CLNK: variants seen among roughly 807,000 people sequenced by gnomAD.
CLNK encodes the protein cytokine-dependent hematopoietic cell linker.
CLNK carries 74 observed loss-of-function variants against 68.6 expected under a neutral mutation model. That is an observed-to-expected ratio of 1.08 (90% CI 0.89 to 1.31). The LOEUF (loss-of-function observed/expected upper bound fraction) is 1.31, where lower values mean the gene tolerates loss of function less well. Ranked by LOEUF, CLNK falls within the 50% of genes most tolerant of loss-of-function variation. The pLI is 0.00. For synonymous variants in CLNK, 198 were observed against 172.2 expected, an observed-to-expected ratio of 1.15 and a Z score of -1.17; for missense variants, 553 against 515.3, an observed-to-expected ratio of 1.07 and a Z score of -0.71.
chr4:10,703,277 A>C, the CLNK span, among the ~76,000 whole-genome samples: 1 of 152,172 alleles, frequency 6.6e-6, no homozygotes, highest in Non-Finnish European at 1.5e-5. Context: ...GTTCATTCAG[A>C]TGCCAGGAAT....
At chr4:10,579,941 C>G (rs1440173933) in intron 4 of CLNK, among the ~76,000 whole-genome samples, 1 of 152,244 alleles carries the variant, frequency 6.6e-6, no homozygotes, top group Non-Finnish European at 1.5e-5. Context: ...GCACCACCTC[C>G]TCCAGCCTCC....
At chr4:10,727,337 C>T in the CLNK span, among the ~76,000 whole-genome samples, 2 of 152,126 alleles carry the variant, frequency 1.3e-5, no homozygotes, top group African/African-American at 2.4e-5. Context: ...TGGAAAATTC[C>T]GTGGTGGAAC....
intron 2 of CLNK, among the ~76,000 whole-genome samples, chr4:10,614,004 C>A (rs1350855374): frequency 1.3e-5 from 2 of 152,228 alleles, no homozygotes; most frequent in African/African-American, 4.8e-5. Flanking sequence ...CAGTGGCAAC[C>A]ACCATACCAA....
At position 10,616,807 on chromosome 4, in the gene CLNK, TATATATATATATATATAC is replaced by T. The variant is rs1377287839; in HGVS notation, c.12-18776_12-18759del. Among the ~76,000 whole-genome samples, 152 of 79,228 alleles carry T rather than the reference TATATATATATATATATAC, an allele frequency of 1.9e-3. 1 individual carries two copies. Among genetic ancestry groups the T allele is most frequent in the Non-Finnish European group, 3.1e-3 (124 of 39,676 alleles). The allele number at this position is 79,228 out of a possible 152,430, so 52.0% of individuals were successfully genotyped here. A position where few individuals can be genotyped will look rare whatever the true frequency, so the allele number is the denominator to read the frequency against. ...GTGTGTGTGTATATATATATATATA[TATATATATATATATATAC>T]ACGCATTTTTTTTTCTAGAGAATTG... On this transcript the variant is annotated intron_variant, in intron 2 of 18. Coordinates refer to ENST00000226951, the MANE Select transcript of CLNK (RefSeq NM_052964.4).
At chr4:10,641,047 A>T (rs1723286073) in intron 2 of CLNK, among the ~76,000 whole-genome samples, 1 of 151,974 alleles carries the variant, frequency 6.6e-6, no homozygotes, top group African/African-American at 2.4e-5. Flanking sequence ...GCATTGGATC[A>T]GAATGTAGGA....
chr4:10,708,032 A>T, the CLNK span, among the ~76,000 whole-genome samples: 1 of 152,184 alleles, frequency 6.6e-6, no homozygotes, highest in Non-Finnish European at 1.5e-5. Flanking sequence ...CTGGACTAAG[A>T]TGAGATAGTG....
chr4:10,563,794 C>A (rs1446215728), intron 7 of CLNK, among the ~76,000 whole-genome samples: 3 of 152,116 alleles, frequency 2.0e-5, no homozygotes, highest in African/African-American at 7.2e-5. Context: ...GTAATCCCAG[C>A]TATTCAGAAG....
At chr4:10,681,820 G>T (rs1446432321) in intron 1 of CLNK, among the ~76,000 whole-genome samples, 1 of 152,116 alleles carries the variant, frequency 6.6e-6, no homozygotes, top group Non-Finnish European at 1.5e-5. Flanking sequence ...CTCATTTCTG[G>T]CATATCCTCC....
the CLNK span, among the ~76,000 whole-genome samples, chr4:10,698,944 G>C: frequency 6.6e-6 from 1 of 152,134 alleles, no homozygotes; most frequent in Non-Finnish European, 1.5e-5. Context: ...GGCGGCTTGA[G>C]TGGGGACATT....
At chr4:10,717,148 AG>A in the CLNK span, among the ~76,000 whole-genome samples, 26 of 152,344 alleles carry the variant, frequency 1.7e-4, no homozygotes, top group South Asian at 5.2e-3. Flanking sequence ...GAAGCTGAGC[AG>A]GAAACTAGAG....
chr4:10,650,938 A>AAC (rs1723709030), intron 2 of CLNK, among the ~76,000 whole-genome samples: 2 of 152,194 alleles, frequency 1.3e-5, no homozygotes, highest in East Asian at 3.8e-4. Flanking sequence ...GCGGTCAACA[A>AAC]ACATGAAAAA....
At chr4:10,531,642 T>C (rs1276112375) in intron 12 of CLNK, 1 of 419,786 alleles carries the variant, frequency 2.4e-6, no homozygotes, top group Non-Finnish European at 4.7e-6. Flanking sequence ...GGTTTCTTCA[T>C]GTTGGTCAGG....
At chr4:10,506,787 C>T (rs1199171501) in intron 17 of CLNK, among the ~76,000 whole-genome samples, 1 of 152,150 alleles carries the variant, frequency 6.6e-6, no homozygotes, top group East Asian at 1.9e-4. Context: ...AAGCCTCAGG[C>T]CTGAAACTCT....
chr4:10,528,119 A>G (rs1256216553), intron 12 of CLNK, 25 bp from the exon 13 acceptor site: 1 of 1,216,250 alleles, frequency 8.2e-7, no homozygotes, highest in South Asian at 2.3e-5. Context: ...AAAAAATAAA[A>G]TTTACTGACT....
intron 2 of CLNK, among the ~76,000 whole-genome samples, chr4:10,616,790 G>GTGTGTATATATATATATATA (rs1369047138): frequency 7.8e-5 from 5 of 64,354 alleles, no homozygotes; most frequent in African/African-American, 2.1e-4. Context: ...GTGTGTGTGT[G>GTGTGTATATATATATATATA]TATATATATA....
the CLNK span, among the ~76,000 whole-genome samples, chr4:10,695,257 A>C: frequency 6.6e-6 from 1 of 152,332 alleles, no homozygotes; most frequent in South Asian, 2.1e-4. Flanking sequence ...TCATTCCACA[A>C]TGTATACATG....
intron 8 of CLNK, among the ~76,000 whole-genome samples, chr4:10,554,916 A>G (rs1021838100): frequency 6.6e-6 from 1 of 152,248 alleles, no homozygotes; most frequent in Non-Finnish European, 1.5e-5. Flanking sequence ...CATTTTATAC[A>G]CTAGCAAACA....
intron 2 of CLNK, among the ~76,000 whole-genome samples, chr4:10,665,338 T>C (rs1421101271): frequency 1.3e-5 from 2 of 152,130 alleles, no homozygotes; most frequent in Non-Finnish European, 2.9e-5. Context: ...CCTCTCCTCT[T>C]ACAGAAGAGG....
intron 18 of CLNK, among the ~76,000 whole-genome samples, chr4:10,496,900 G>A (rs1218318511): frequency 2.0e-5 from 3 of 152,214 alleles, no homozygotes; most frequent in African/African-American, 4.8e-5. Flanking sequence ...GTGCTCTTGA[G>A]CCCCTATGCC....
Sources: gnomAD v4.1 joint callset for allele counts (sites outside exome capture counted in the v4.1 genomes callset) on GRCh38, gnomAD v4.1.1 for gene constraint, MANE v1.5 for transcripts, NCBI Gene and HGNC (gene_info 2026-07-23, HGNC 2026-07-21) for gene names.